The following PAPPA variants were observed in gnomAD, a reference collection of about 807,000 sequenced individuals.
PAPPA encodes pappalysin-1.
A neutral mutation model predicts 164.0 loss-of-function variants in PAPPA; 60 were observed. That is an observed-to-expected ratio of 0.37 (90% CI 0.30 to 0.45). The LOEUF is 0.45. Among genes scored for constraint, PAPPA ranks in the 20% least tolerant of loss-of-function variants. The probability of loss-of-function intolerance (pLI) is 1.00; values close to 1 mark genes in which losing one functional copy is unlikely to be tolerated. For synonymous variants in PAPPA, 875 were observed against 814.1 expected (o/e 1.07, Z -1.27); for missense variants, 1,782 against 2,087.3 (o/e 0.85, Z 2.85).
intron 13 of PAPPA, 39 bp from the exon 14 acceptor site, chr9:116,344,504 G>T: frequency 2.5e-6 from 4 of 1,594,606 alleles, no homozygotes; most frequent in Non-Finnish European, 3.4e-6. Flanking sequence ...GCTGTCCTGT[G>T]AGGAGACTCC....
At chr9:116,346,910 C>T (rs957156416) in intron 14 of PAPPA, 116 bp from the exon 15 acceptor site, 1 of 680,174 alleles carries the variant, frequency 1.5e-6, no homozygotes, top group Non-Finnish European at 2.5e-6. Context: ...AAACACTAAG[C>T]ATTGGTCTCC....
Position 116,352,914 on chromosome 9 carries a change from G to C in PAPPA, c.4173G>C (p.Lys1391Asn). Residue 1391 changes from lysine (K) to asparagine (N), a missense_variant and splice_region_variant, in exon 16 of 22, where the codon AAG (lysine) becomes AAC (asparagine). By Grantham distance (94) the Lys-to-Asn change is moderately conservative. Around this residue, in one of 2 missense-constraint regions of PAPPA, gnomAD observed 1,324 missense variants for 1,656.9 expected, o/e 0.80. Transcript: ENST00000328252. Reference sequence around the variant, plus strand: ...TGCCTGGATCCTCTCGGAAGTCAAAGAAGTAAGTGGGGTTGGAAATGCAAA... The same window carrying C: ...TGCCTGGATCCTCTCGGAAGTCAAACAAGTAAGTGGGGTTGGAAATGCAAA... ...YHVPGSSRKS[K>N]KRAFKTQCTQ... is the part of the protein sequence containing the mutation. 6.2e-7 allele frequency: 1 copy of C among 1,613,124 alleles called. No homozygotes were observed. Among genetic ancestry groups the C allele is most frequent in the Non-Finnish European group, 8.5e-7 (1 of 1,179,196 alleles).
intron 10 of PAPPA, 64 bp downstream of exon 10, chr9:116,303,014 G>A (rs1168167651): frequency 2.5e-5 from 36 of 1,417,590 alleles, no homozygotes; most frequent in Middle Eastern, 5.0e-4. Context: ...TGCCCCACAA[G>A]GCTACTCACC....
intron 10 of PAPPA, among the ~76,000 whole-genome samples, chr9:116,324,175 C>T (rs1260147838): frequency 6.6e-6 from 1 of 152,186 alleles, no homozygotes; most frequent in Non-Finnish European, 1.5e-5. Context: ...TGGGCAGGCT[C>T]TCTTGAAGTT....
chr9:116,154,155 C>CGGTGGGGGGGGGAGGGGGGGGG lies in PAPPA; in HGVS notation c.-16_-15insTGGGGGGGGGAGGGGGGGGGGG. On this transcript the variant is annotated 5_prime_UTR_variant, in exon 1 of 22. Transcript: ENST00000328252. This position sits in a 1 kb window ranked among gnomAD's most constrained non-coding sequence, Gnocchi z 5.2. Reference sequence around the variant, plus strand: ...TGGCGGTGCAGGGGCGAAGGGGGGGCGGGGGGAACCGTCGGACATGCGGCT... The same window carrying CGGTGGGGGGGGGAGGGGGGGGG: ...TGGCGGTGCAGGGGCGAAGGGGGGGCGGTGGGGGGGGGAGGGGGGGGGGGGGGGAACCGTCGGACATGCGGCT... The CGGTGGGGGGGGGAGGGGGGGGG allele has an allele frequency of 4.3e-6, 2 of 464,988 alleles. No individual in the cohort carries two copies. The highest frequency in any genetic ancestry group is 5.8e-6 in the Non-Finnish European group (2 of 345,720). 28.8% of individuals were successfully genotyped at this position (464,988 alleles called of 1,614,324 possible). A position where few individuals can be genotyped will look rare whatever the true frequency, so the allele number is the denominator to read the frequency against.
chr9:116,342,234 C>T lies in PAPPA; in HGVS notation c.3612-2309C>T, dbSNP rs548909120. The stretch of plus-strand genomic sequence containing the variant: ...AACCATGTGGTTCCTTCCCCTGGTG[C>T]TTACACAATGTGAACAGATGCATTG... On this transcript the variant is annotated intron_variant, in intron 13 of 21. Coordinates refer to ENST00000328252, the MANE Select transcript of PAPPA (RefSeq NM_002581.5). 7.9e-5 allele frequency among the ~76,000 whole-genome samples: 12 copies of T among 152,284 alleles called. No homozygotes were observed. In the South Asian group the frequency reaches 1.2e-3, roughly 16 times the overall value.
intron 7 of PAPPA, among the ~76,000 whole-genome samples, chr9:116,250,522 T>C (rs1222278412): frequency 1.3e-5 from 2 of 152,202 alleles, no homozygotes; most frequent in African/African-American, 2.4e-5. Flanking sequence ...TTGGAGTAAG[T>C]GATATTCAAA....
chr9:116,211,200 C>A (rs1448030364), intron 3 of PAPPA, among the ~76,000 whole-genome samples: 1 of 152,126 alleles, frequency 6.6e-6, no homozygotes, highest in Admixed American at 6.6e-5. Context: ...AAAATGGGAA[C>A]CAGAACCAAG....
intron 21 of PAPPA, among the ~76,000 whole-genome samples, chr9:116,392,996 T>A (rs1846914823): frequency 6.6e-6 from 1 of 152,176 alleles, no homozygotes; most frequent in East Asian, 1.9e-4. Flanking sequence ...TTGAGTTTCC[T>A]CCAGTGTTTA....
At position 116,347,646 on chromosome 9, in the gene PAPPA, T is replaced by C. The variant is rs1846229026; in HGVS notation, c.3964+437T>C. Among the ~76,000 whole-genome samples the C allele has an allele frequency of 6.6e-6, 1 of 152,192 alleles. No homozygotes were observed. Among genetic ancestry groups the C allele is most frequent in the South Asian group, 2.1e-4 (1 of 4,822 alleles). ...CAAGCCTCAGAGGGTTTAAAGAACTTGCCCAAGGCTGCACCATCAGTGGTG... is the reference window on the plus strand; with the variant it reads ...CAAGCCTCAGAGGGTTTAAAGAACTCGCCCAAGGCTGCACCATCAGTGGTG... On this transcript the variant is annotated intron_variant, in intron 15 of 21. Coordinates refer to ENST00000328252, the MANE Select transcript of PAPPA (RefSeq NM_002581.5). This position sits in a 1 kb window ranked among gnomAD's most constrained non-coding sequence, Gnocchi z 4.5.
intron 1 of PAPPA, among the ~76,000 whole-genome samples, chr9:116,184,939 C>T (rs7871333): frequency 0.025 from 3,876 of 152,208 alleles, 155 homozygotes; most frequent in African/African-American, 0.089. Flanking sequence ...GAGAAGAAAA[C>T]AGTTCGGCAG....
Position 116,154,413 on chromosome 9 carries a change from CG to C in PAPPA, c.244del (p.Glu82ArgfsTer55), listed in dbSNP as rs1308972418. Reference sequence around the variant, plus strand: ...GCGCGTCCCCCGGCGGCGGCAGCAGCGGGAGGCGAGGGGCGCCACCGAGGAG... The same window carrying C: ...GCGCGTCCCCCGGCGGCGGCAGCAGCGGAGGCGAGGGGCGCCACCGAGGAG... ...AVRVPRRRQQ[R>X]EARGATEEPS... On this transcript the variant is annotated frameshift_variant, in exon 1 of 22. Coordinates refer to ENST00000328252, the MANE Select transcript of PAPPA (RefSeq NM_002581.5). LOFTEE classifies it high-confidence loss of function. This position sits in a 1 kb window ranked among gnomAD's most constrained non-coding sequence, Gnocchi z 5.2. 1 of 1,205,496 alleles carries C rather than the reference CG, an allele frequency of 8.3e-7. No homozygotes were observed. The highest frequency in any genetic ancestry group is 3.2e-5 in the East Asian group (1 of 31,104). The allele number at this position is 1,205,496 out of a possible 1,614,324, so 74.7% of individuals were successfully genotyped here.
chr9:116,331,954 G>A (rs372205215), intron 11 of PAPPA, among the ~76,000 whole-genome samples: 1 of 152,088 alleles, frequency 6.6e-6, no homozygotes, highest in South Asian at 2.1e-4. Context: ...AGTGTGGACC[G>A]GGACCTTTGC....
In PAPPA at chr9:116,362,478, G is replaced by T. The variant is rs1846440147; in HGVS notation, c.4348-114G>T. 1.3e-5 allele frequency: 14 copies of T among 1,113,834 alleles called. No homozygotes were observed. In the South Asian group the frequency reaches 2.0e-4, roughly 16 times the overall value. 69.0% of individuals were successfully genotyped at this position (1,113,834 alleles called of 1,614,324 possible). On this transcript the variant is annotated intron_variant, in intron 17 of 21. Transcript: ENST00000328252. ...CAACCATTGTTAAGAAATTGTTTTG[G>T]AACACTTCAGAGCTCTGGAGAGATG...
At chr9:116,295,853 G>A (rs1316139765) in intron 9 of PAPPA, among the ~76,000 whole-genome samples, 1 of 152,160 alleles carries the variant, frequency 6.6e-6, no homozygotes, top group Non-Finnish European at 1.5e-5. Context: ...ATTGATAGGA[G>A]GAGGGCCTGT....
chr9:116,350,603 A>G (rs1050598550), intron 15 of PAPPA, among the ~76,000 whole-genome samples: 8 of 152,188 alleles, frequency 5.3e-5, no homozygotes, highest in African/African-American at 1.4e-4. Context: ...TAGCTAATAC[A>G]ATGTACTTTT....
chr9:116,283,144 A>G (rs1845287545), intron 9 of PAPPA, among the ~76,000 whole-genome samples: 1 of 152,226 alleles, frequency 6.6e-6, no homozygotes, highest in African/African-American at 2.4e-5. Flanking sequence ...GCATGTGACC[A>G]GGCTCACACT....
rs113764811 is a variant in PAPPA, at chr9:116,183,630, C to T, written c.416-3524C>T. On this transcript the variant is annotated intron_variant, in intron 1 of 21. Transcript: ENST00000328252. ...ATACACCCCCAACCTTATTGAAGCT[C>T]GGTGATTTTCTTTCACTACTTATAC... Among the ~76,000 whole-genome samples, 401 of 152,278 alleles carry T rather than the reference C, an allele frequency of 2.6e-3. 1 individual carries two copies. The highest frequency in any genetic ancestry group is 9.4e-3 in the African/African-American group (391 of 41,542).
At chr9:116,350,912 A>G (rs1429521303) in intron 15 of PAPPA, among the ~76,000 whole-genome samples, 3 of 152,248 alleles carry the variant, frequency 2.0e-5, no homozygotes, top group South Asian at 2.1e-4. Context: ...CAGTTTGTCA[A>G]TGTGGAATCC....
Sources: gnomAD v4.1 joint callset for allele counts (sites outside exome capture counted in the v4.1 genomes callset) on GRCh38, gnomAD v4.1.1 for gene constraint, gnomAD v4.1.1 regional missense constraint, Gnocchi (gnomAD v3.1) non-coding constraint, MANE v1.5 for transcripts, NCBI Gene and HGNC (gene_info 2026-07-23, HGNC 2026-07-21) for gene names.